Variants in POLN observed in about 807,000 individuals in gnomAD.
The protein encoded by POLN is DNA polymerase N.
A neutral mutation model predicts 113.5 loss-of-function variants in POLN; 108 were observed. The observed-to-expected ratio is 0.95, with a 90% CI of 0.81 to 1.12. The LOEUF is 1.12. Among genes scored for constraint, POLN ranks in the 50% most tolerant of loss-of-function variants. POLN has a pLI of 0.00. For missense variants in POLN, 1,097 were observed against 1,077.1 expected, an observed-to-expected ratio of 1.02 and a Z score of -0.26; for synonymous variants, 386 against 391.5, an observed-to-expected ratio of 0.99 and a Z score of 0.17.
At chr4:2,180,602 G>A (rs1019734039) in intron 7 of POLN, among the ~76,000 whole-genome samples, 5 of 152,188 alleles carry the variant, frequency 3.3e-5, no homozygotes, top group East Asian at 1.9e-4. Context: ...ACATGTCTCC[G>A]TCAGCAGCAC....
intron 5 of POLN, among the ~76,000 whole-genome samples, chr4:2,204,537 T>C (rs950480036): frequency 2.6e-5 from 4 of 152,322 alleles, no homozygotes; most frequent in Non-Finnish European, 4.4e-5. Flanking sequence ...ACTGATCCTA[T>C]TGACACTATT....
At chr4:2,129,053 T>C in intron 18 of POLN, 126 bp downstream of exon 18, 1 of 624,964 alleles carries the variant, frequency 1.6e-6, no homozygotes, top group East Asian at 3.5e-5. Context: ...GAGACTCTTG[T>C]CTCAAAAAAA....
chr4:2,146,222 T>C (rs924288689), intron 16 of POLN, among the ~76,000 whole-genome samples: 1 of 152,034 alleles, frequency 6.6e-6, no homozygotes, highest in Non-Finnish European at 1.5e-5. Flanking sequence ...TGTTGTCAAG[T>C]AGGCCAGGCG....
intron 16 of POLN, among the ~76,000 whole-genome samples, chr4:2,145,895 T>C (rs1170000300): frequency 6.6e-6 from 1 of 152,212 alleles, no homozygotes; most frequent in African/African-American, 2.4e-5. Context: ...CAACCTAGTA[T>C]ATCTGTACAA....
chr4:2,240,236 A>G lies in POLN; in HGVS notation c.-13+1284T>C, dbSNP rs368559954. On this transcript the variant is annotated intron_variant, in intron 2 of 25. Transcript: ENST00000511885. The stretch of plus-strand genomic sequence containing the variant: ...GTGTCTGTATATCTAAAAGTTGAAA[A>G]TTGTCTTCATTTGAACTTTCAACTA... 3.7e-6 allele frequency: 6 copies of G among 1,613,594 alleles called. No homozygotes were observed. In the African/African-American group the frequency reaches 6.7e-5, roughly 18 times the overall value.
At chr4:2,099,503 A>C (rs1480002656) in intron 19 of POLN, among the ~76,000 whole-genome samples, 2 of 152,234 alleles carry the variant, frequency 1.3e-5, no homozygotes, top group East Asian at 3.8e-4. Context: ...ATACCTGACC[A>C]GTCCTCCTCA....
rs773547703 is a variant in POLN, at chr4:2,072,170, A to T, written c.2647T>A (p.Ser883Thr). ...GGTGGGGGCTGGGTGCTGGCAGGGG[A>T]CCCAGGGGCAGCCAGGCTGTTGCTG... is the stretch of plus-strand genomic sequence containing the variant. Reference protein sequence around the residue: ...SPSNSLAAPGSPASTQPPPLH... With the variant: ...SPSNSLAAPGTPASTQPPPLH... The change falls in exon 26 of 26, where the codon TCC (serine) becomes ACC (threonine). Residue 883 changes from serine to threonine, a missense_variant. Transcript: ENST00000511885. 14 of 1,611,352 alleles carry T rather than the reference A, an allele frequency of 8.7e-6. No individual in the cohort carries two copies. In the Admixed American group the frequency reaches 2.3e-4, roughly 27 times the overall value.
Position 2,185,417 on chromosome 4 carries a change from G to T in POLN, c.1022-5952C>A, listed in dbSNP as rs184625507. 2.0e-5 allele frequency among the ~76,000 whole-genome samples: 3 copies of T among 152,340 alleles called. No homozygotes were observed. The East Asian group carries it at 5.8e-4, about 29-fold the overall frequency. On this transcript the variant is annotated intron_variant, in intron 7 of 25. Transcript: ENST00000511885. ...ACTGCAAGAGTGTAAGACAGAGGAAGGGAGAACATATAGATGAAAAGAGGC... is the reference window on the plus strand; with the variant it reads ...ACTGCAAGAGTGTAAGACAGAGGAATGGAGAACATATAGATGAAAAGAGGC...
rs756800435 is a variant in POLN, at chr4:2,198,525, G to T, written c.907C>A (p.Arg303=). The T allele has an allele frequency of 6.2e-7, 1 of 1,605,826 alleles. No homozygotes were observed. Among genetic ancestry groups the T allele is most frequent in the East Asian group, 2.2e-5 (1 of 44,552 alleles). The change falls in exon 6 of 26, where the codon CGG becomes AGG. Residue 303 remains arginine (R), a splice_region_variant and synonymous_variant. Transcript: ENST00000511885. Reference sequence around the variant, plus strand: ...AGCCCATGTGTGAAGATTTCTTACCGGGCAAATTGTTGATGTGCCTCCTGT... The same window carrying T: ...AGCCCATGTGTGAAGATTTCTTACCTGGCAAATTGTTGATGTGCCTCCTGT... ...QEQEAHQQFA[R]NVLFQTMKCK...
chr4:2,241,883 C>A, intron 1 of POLN, 93 bp from the exon 2 acceptor site: 2 of 985,522 alleles, frequency 2.0e-6, no homozygotes, highest in Non-Finnish European at 2.4e-6. Flanking sequence ...CCCGCCCCAG[C>A]TCCTCGCCCA....
At position 2,085,657 on chromosome 4, in the gene POLN, A is replaced by G. The variant is rs747335308; in HGVS notation, c.2153T>C (p.Ile718Thr). Residue 718 changes from isoleucine (I) to threonine (T), a missense_variant, in exon 21 of 26, where the codon ATC becomes ACC. By Grantham distance (89) the Ile-to-Thr change is moderately conservative. Coordinates refer to ENST00000511885, the MANE Select transcript of POLN (RefSeq NM_181808.4). ...LESFLQKYKK[I>T]KDFARAAIAQ... ...AATAGCTGCTCGGGCGAAGTCCTTG[A>G]TTTTCTTGTACTTCTGCAAAAAACT... 20 of 1,613,940 alleles carry G rather than the reference A, an allele frequency of 1.2e-5. No individual in the cohort carries two copies. The highest frequency in any genetic ancestry group is 2.7e-5 in the African/African-American group (2 of 74,894).
intron 19 of POLN, among the ~76,000 whole-genome samples, chr4:2,106,508 G>T (rs552928153): frequency 9.1e-4 from 139 of 152,264 alleles, no homozygotes; most frequent in African/African-American, 3.3e-3. Context: ...ATGTGTGAAT[G>T]CCTAACCCAT....
intron 23 of POLN, chr4:2,079,194 A>G: frequency 5.3e-6 from 1 of 189,046 alleles, no homozygotes; most frequent in Non-Finnish European, 9.8e-6. Context: ...GGCCTCCCAA[A>G]TGCTGGGATT....
At chr4:2,175,351 C>A (rs1485571660) in intron 9 of POLN, among the ~76,000 whole-genome samples, 1 of 152,122 alleles carries the variant, frequency 6.6e-6, no homozygotes, top group South Asian at 2.1e-4. Flanking sequence ...TTCTGATAGG[C>A]CAAGCCCCAT....
intron 25 of POLN, 105 bp downstream of exon 25, chr4:2,072,863 C>T (rs1470289256): frequency 8.8e-6 from 11 of 1,257,056 alleles, no homozygotes; most frequent in African/African-American, 1.5e-5. Flanking sequence ...GTGGCCATCT[C>T]GGGGCTGGGG....
chr4:2,147,638 C>CTTTTTTTTT (rs1553897834), intron 16 of POLN, among the ~76,000 whole-genome samples: 1 of 21,124 alleles, frequency 4.7e-5, no homozygotes, highest in African/African-American at 8.7e-5. Flanking sequence ...TCCAGTTTTT[C>CTTTTTTTTT]TTTTCTTTTT....
chr4:2,130,291 A>AGAGGGGAGGAGAGGGGAGGG (rs1731692186), intron 17 of POLN, among the ~76,000 whole-genome samples: 1 of 53,288 alleles, frequency 1.9e-5, no homozygotes, highest in African/African-American at 7.3e-5. Flanking sequence ...AGAGGGGAGG[A>AGAGGGGAGGAGAGGGGAGGG]GAGGGGAGGG....
chr4:2,148,952 C>T (rs540431747), intron 16 of POLN, among the ~76,000 whole-genome samples: 11 of 152,006 alleles, frequency 7.2e-5, no homozygotes, highest in Admixed American at 5.2e-4. Flanking sequence ...GAATTTTATA[C>T]CTCGCAAAAA....
chr4:2,173,941 GAAT>G lies in POLN; in HGVS notation c.1374+11_1374+13del, dbSNP rs746669981. On this transcript the variant is annotated intron_variant, in intron 11 of 25. Transcript: ENST00000511885. Reference sequence around the variant, plus strand: ...AGAGATGGCCAGTACAAACCATCTGGAATAATAACTTACCCCAAGAAGTGCTGA... The same window carrying G: ...AGAGATGGCCAGTACAAACCATCTGGAATAACTTACCCCAAGAAGTGCTGA... 1 of 1,612,978 alleles carries G rather than the reference GAAT, an allele frequency of 6.2e-7. No individual in the cohort carries two copies. Among genetic ancestry groups the G allele is most frequent in the African/African-American group, 1.3e-5 (1 of 74,910 alleles).
Sources: gnomAD v4.1 joint callset for allele counts (sites outside exome capture counted in the v4.1 genomes callset) on GRCh38, gnomAD v4.1.1 for gene constraint, MANE v1.5 for transcripts, NCBI Gene and HGNC (gene_info 2026-07-23, HGNC 2026-07-21) for gene names.